MYO15B: variants seen among roughly 807,000 people sequenced by gnomAD.
MYO15B encodes myosin XVB pseudogene.
Under a neutral mutation model 119.3 loss-of-function variants are expected in MYO15B, and 207 were observed. The ratio of observed to expected loss-of-function variants is 1.73; its 90% CI spans 1.55 to 1.95. The LOEUF (loss-of-function observed/expected upper bound fraction) is 1.95. MYO15B is among the 30% of genes most tolerant of loss of function. MYO15B has a pLI of 0.00. For missense variants in MYO15B, 2,264 were observed against 1,203.1 expected, an observed-to-expected ratio of 1.88 and a Z score of -13.04; for synonymous variants, 966 against 498.9, an observed-to-expected ratio of 1.94 and a Z score of -12.48.
At chr17:75,588,395 G>A (rs926509745) in exon 1 of MYO15B, 15 of 398,454 alleles carry the variant, frequency 3.8e-5, no homozygotes, top group African/African-American at 2.1e-4. Flanking sequence ...CTGGAGGAGG[G>A]AAGCCTCTCC....
At chr17:75,588,952 G>C (rs1468631585) in exon 1 of MYO15B, 2 of 398,102 alleles carry the variant, frequency 5.0e-6, no homozygotes, top group Non-Finnish European at 8.9e-6. Flanking sequence ...GACGGCCCGG[G>C]CTCCGCGCCA....
intron 14 of MYO15B, among the ~76,000 whole-genome samples, chr17:75,598,602 G>A (rs529946368): frequency 4.6e-5 from 7 of 151,590 alleles, no homozygotes; most frequent in East Asian, 1.9e-4. Context: ...GTAATAGTTC[G>A]TTGATCACTG....
intron 46 of MYO15B, 27 bp downstream of exon 46, chr17:75,619,826 G>C (rs1460018250): frequency 2.8e-6 from 2 of 702,662 alleles, no homozygotes; most frequent in East Asian, 5.4e-5. Flanking sequence ...CCCTGGGCTA[G>C]AGGTGGGGGC....
chr17:75,590,573 CA>C (rs2056374053), intron 1 of MYO15B, 52 bp from the exon 2 acceptor site: 1 of 283,086 alleles, frequency 3.5e-6, no homozygotes, highest in African/African-American at 2.2e-5. Flanking sequence ...AGAACTAACC[CA>C]CAACCTCCTG....
At chr17:75,619,971 C>A (rs1420107154) in exon 47 of MYO15B, 1 of 702,788 alleles carries the variant, frequency 1.4e-6, no homozygotes, top group Middle Eastern at 2.3e-4. Context: ...ACAGCCCGGG[C>A]AAGGGCCATC....
intron 45 of MYO15B, 22 bp from the exon 46 acceptor site, chr17:75,619,659 G>A (rs1017254424): frequency 1.1e-5 from 8 of 702,478 alleles, no homozygotes; most frequent in African/African-American, 5.2e-5. Context: ...GAGACTGCCC[G>A]AGACCCACCA....
exon 58 of MYO15B, chr17:75,624,618 C>T: frequency 1.4e-6 from 1 of 702,966 alleles, no homozygotes; most frequent in South Asian, 1.5e-5. Context: ...GGAATTCGCC[C>T]TCTTCCTCAT....
chr17:75,608,572 C>T (rs553433664), intron 21 of MYO15B, among the ~76,000 whole-genome samples: 68 of 151,866 alleles, frequency 4.5e-4, no homozygotes, highest in Non-Finnish European at 6.5e-4. Flanking sequence ...ACCTGGGAGG[C>T]GGAGATTCAA....
chr17:75,616,012 T>A, intron 36 of MYO15B, 57 bp from the exon 37 acceptor site: 4 of 582,784 alleles, frequency 6.9e-6, no homozygotes, highest in Non-Finnish European at 1.2e-5. Flanking sequence ...ACCCGAGGGG[T>A]GTGGCGAGTG....
chr17:75,609,328 T>C (rs2057856545), intron 21 of MYO15B, among the ~76,000 whole-genome samples: 1 of 151,408 alleles, frequency 6.6e-6, no homozygotes, highest in South Asian at 2.1e-4. Flanking sequence ...CACGCCGTCA[T>C]GCCTGGCTAA....
chr17:75,625,106 C>A lies in MYO15B; in HGVS notation c.8689-17C>A. 1.5e-6 allele frequency: 1 copy of A among 681,474 alleles called. No homozygotes were observed. The highest frequency in any genetic ancestry group is 2.7e-6 in the Non-Finnish European group (1 of 370,570). 42.2% of individuals were successfully genotyped at this position (681,474 alleles called of 1,614,324 possible). ...CTTTGGACCACCGCTGCCCTCCTCA[C>A]CGTGCTCCCCGCACAGGTGCTGTGG... On this transcript the variant is annotated splice_polypyrimidine_tract_variant and intron_variant, in intron 59 of 63. Transcript: ENST00000645453.
At position 75,614,427 on chromosome 17, in the gene MYO15B, A is replaced by T. The variant is rs2058232415; in HGVS notation, c.5381+67A>T. 6 of 683,002 alleles carry T rather than the reference A, an allele frequency of 8.8e-6. No homozygotes were observed. The Admixed American group carries it at 1.2e-4, about 14-fold the overall frequency. 42.3% of individuals were successfully genotyped at this position (683,002 alleles called of 1,614,324 possible). A position where few individuals can be genotyped will look rare whatever the true frequency, so the allele number is the denominator to read the frequency against. On this transcript the variant is annotated intron_variant, in intron 30 of 63. Transcript: ENST00000645453. ...CGGGGAACCCCACAGCCACCCTGCC[A>T]CACTCAGGGGTTTATAGGAGCTGCC...
At chr17:75,608,184 T>C (rs961228901) in intron 21 of MYO15B, among the ~76,000 whole-genome samples, 3 of 152,108 alleles carry the variant, frequency 2.0e-5, no homozygotes, top group Admixed American at 1.3e-4. Context: ...AGTGGCGCCA[T>C]CTCAGCTCAC....
At chr17:75,597,772 C>G (rs1398613818) in intron 14 of MYO15B, among the ~76,000 whole-genome samples, 1 of 152,068 alleles carries the variant, frequency 6.6e-6, no homozygotes, top group Non-Finnish European at 1.5e-5. Flanking sequence ...AACAATTAGC[C>G]TGGTGTGGTG....
chr17:75,609,444 G>A (rs1187731321), intron 21 of MYO15B, among the ~76,000 whole-genome samples: 1 of 151,256 alleles, frequency 6.6e-6, no homozygotes, highest in Non-Finnish European at 1.5e-5. Context: ...TAGAGTGCTG[G>A]GATTACAGGC....
intron 14 of MYO15B, among the ~76,000 whole-genome samples, chr17:75,597,154 C>T (rs1327458618): frequency 6.6e-6 from 1 of 152,228 alleles, no homozygotes; most frequent in East Asian, 1.9e-4. Flanking sequence ...CCTCACGTAC[C>T]TGCCACAGAA....
At chr17:75,620,773 G>A (rs10808) in intron 49 of MYO15B, 137 bp downstream of exon 49, 24 of 700,784 alleles carry the variant, frequency 3.4e-5, no homozygotes, top group Non-Finnish European at 4.7e-5. Flanking sequence ...CCCTCTGCCC[G>A]CTCCTGATGG....
chr17:75,617,497 T>C, intron 41 of MYO15B, 193 bp downstream of exon 41: 1 of 553,262 alleles, frequency 1.8e-6, no homozygotes, highest in East Asian at 3.0e-5. Flanking sequence ...GGCCTGGGCA[T>C]CTTTGGGGCT....
exon 7 of MYO15B, chr17:75,592,240 G>A: frequency 1.4e-6 from 1 of 702,838 alleles, no homozygotes. Flanking sequence ...GCCCACAGAG[G>A]GGTCATCGTG....
Sources: gnomAD v4.1 joint callset for allele counts (sites outside exome capture counted in the v4.1 genomes callset) on GRCh38, gnomAD v4.1.1 for gene constraint, MANE v1.5 for transcripts, NCBI Gene and HGNC (gene_info 2026-07-23, HGNC 2026-07-21) for gene names.